Variants in SOCS7 observed in about 807,000 individuals in gnomAD.
The protein encoded by SOCS7 is suppressor of cytokine signaling 7, also known as NAP-4.
Under a neutral mutation model 58.9 loss-of-function variants are expected in SOCS7, and 18 were observed. That is an observed-to-expected ratio of 0.31 (90% CI 0.21 to 0.45). SOCS7 has a LOEUF of 0.45. Ranked by LOEUF, SOCS7 falls within the 20% of genes least tolerant of loss-of-function variation. The pLI is 1.00. For missense variants in SOCS7, 667 were observed against 837.3 expected, an observed-to-expected ratio of 0.80 and a Z score of 2.51; for synonymous variants, 388 against 364.3, an observed-to-expected ratio of 1.06 and a Z score of -0.74.
intron 5 of SOCS7, among the ~76,000 whole-genome samples, chr17:38,367,205 C>G (rs886843871): frequency 1.2e-4 from 18 of 151,998 alleles, no homozygotes; most frequent in Non-Finnish European, 2.2e-4. Flanking sequence ...GCTGGTATTA[C>G]AGGCGCCCAC....
chr17:38,387,795 A>T (rs1468743772), intron 7 of SOCS7, among the ~76,000 whole-genome samples: 1 of 137,370 alleles, frequency 7.3e-6, no homozygotes, highest in African/African-American at 2.9e-5. Flanking sequence ...TTTGAGACAG[A>T]GTCTCACTCT....
chr17:38,364,636 C>G (rs756265608), intron 2 of SOCS7, 116 bp from the exon 3 acceptor site: 1 of 779,936 alleles, frequency 1.3e-6, no homozygotes, highest in Non-Finnish European at 2.2e-6. Flanking sequence ...AGGTTTTGAG[C>G]TTTCTGAGAG....
intron 1 of SOCS7, among the ~76,000 whole-genome samples, chr17:38,361,368 C>T (rs1877247952): frequency 6.6e-6 from 1 of 152,184 alleles, no homozygotes; most frequent in South Asian, 2.1e-4. Flanking sequence ...TTCTTGGCTC[C>T]CAGATGGAAA....
intron 6 of SOCS7, among the ~76,000 whole-genome samples, chr17:38,374,430 C>T (rs960335469): frequency 5.3e-5 from 8 of 151,150 alleles, no homozygotes; most frequent in South Asian, 2.1e-4. Flanking sequence ...CCCAGGTACT[C>T]GGGAGGGTCA....
chr17:38,395,956 A>G lies in SOCS7; in HGVS notation c.1926A>G (p.Glu642=). Residue 642 remains glutamate (E), a synonymous_variant, in exon 9 of 10, where the codon GAA becomes GAG. Coordinates refer to ENST00000612932, the MANE Select transcript of SOCS7 (RefSeq NM_014598.4). ...TTTCCAAACAGAAGCAAGAGGTGGA[A>G]CCCTCCACGTAGCGAGGGGCTCCCT... is the stretch of plus-strand genomic sequence containing the variant. ...QLISKQKQEV[E]PST The G allele has an allele frequency of 2.5e-6, 4 of 1,607,698 alleles. No homozygotes were observed. Among genetic ancestry groups the G allele is most frequent in the Non-Finnish European group, 3.4e-6 (4 of 1,178,524 alleles).
intron 7 of SOCS7, among the ~76,000 whole-genome samples, chr17:38,389,905 A>ATATATATATATATG (rs2038145326): frequency 9.3e-6 from 1 of 107,090 alleles, no homozygotes; most frequent in African/African-American, 3.7e-5. Context: ...ATATACACAT[A>ATATATATATATATG]TAGAGAGAGA....
intron 1 of SOCS7, among the ~76,000 whole-genome samples, chr17:38,356,556 C>T (rs907034534): frequency 2.0e-5 from 3 of 151,728 alleles, no homozygotes; most frequent in East Asian, 2.0e-4. Context: ...GTAGAGACGG[C>T]GTTTCACTGT....
At chr17:38,366,992 CTCT>C (rs1054962868) in intron 5 of SOCS7, among the ~76,000 whole-genome samples, 24 of 152,256 alleles carry the variant, frequency 1.6e-4, no homozygotes, top group African/African-American at 4.6e-4. Flanking sequence ...ACCCAGTTCC[CTCT>C]TCTTTTCTTG....
At chr17:38,370,155 G>A (rs150092981) in intron 6 of SOCS7, among the ~76,000 whole-genome samples, 113 of 151,998 alleles carry the variant, frequency 7.4e-4, no homozygotes, top group Non-Finnish European at 1.2e-3. Flanking sequence ...GCACCACCAC[G>A]CCCAGCTAAT....
intron 7 of SOCS7, among the ~76,000 whole-genome samples, chr17:38,387,119 A>ATG (rs2038082241): frequency 9.4e-6 from 1 of 106,694 alleles, no homozygotes; most frequent in African/African-American, 4.6e-5. Flanking sequence ...ATATATATAT[A>ATG]TATATATATG....
At chr17:38,373,578 G>A (rs2037894620) in intron 6 of SOCS7, among the ~76,000 whole-genome samples, 1 of 152,304 alleles carries the variant, frequency 6.6e-6, no homozygotes, top group South Asian at 2.1e-4. Context: ...TCTTTTGGTT[G>A]TACAGCAAGA....
At chr17:38,389,929 T>TGA (rs1241461204) in intron 7 of SOCS7, among the ~76,000 whole-genome samples, 44 of 23,182 alleles carry the variant, frequency 1.9e-3, no homozygotes, top group African/African-American at 7.3e-3. Context: ...AGAGAGAGAG[T>TGA]GAGAGAGAGA....
intron 9 of SOCS7, among the ~76,000 whole-genome samples, chr17:38,397,231 A>G (rs1446559482): frequency 6.6e-6 from 1 of 152,204 alleles, no homozygotes; most frequent in Admixed American, 6.5e-5. Flanking sequence ...GGGTTTTCCT[A>G]AGGAAGAGAG....
intron 7 of SOCS7, among the ~76,000 whole-genome samples, chr17:38,389,905 A>ATATATGTACATATATATATATG (rs2038145326): frequency 2.8e-5 from 3 of 107,070 alleles, no homozygotes; most frequent in Non-Finnish European, 3.8e-5. Context: ...ATATACACAT[A>ATATATGTACATATATATATATG]TAGAGAGAGA....
intron 6 of SOCS7, 104 bp downstream of exon 6, chr17:38,368,154 G>C: frequency 9.6e-7 from 1 of 1,039,052 alleles, no homozygotes; most frequent in Non-Finnish European, 1.4e-6. Context: ...ACTACAAATA[G>C]GGGAAAAATT....
chr17:38,375,057 G>T (rs1459336518), intron 6 of SOCS7, among the ~76,000 whole-genome samples: 3 of 152,162 alleles, frequency 2.0e-5, no homozygotes, highest in African/African-American at 7.2e-5. Flanking sequence ...AGGAGTTCAA[G>T]ACCAGCCTGG....
rs185932389 is a variant in SOCS7, at chr17:38,386,397, G to A, written c.1681+8555G>A. Among the ~76,000 whole-genome samples the A allele has an allele frequency of 5.2e-3, 778 of 150,920 alleles. 8 individuals are homozygous for A. The highest frequency in any genetic ancestry group is 0.018 in the African/African-American group (748 of 40,868). Reference sequence around the variant, plus strand: ...TAATCGCTTGAGTCTGTGATGTCAAGGCCACAGTGAGCTGTGTTCATGCCA... The same window carrying A: ...TAATCGCTTGAGTCTGTGATGTCAAAGCCACAGTGAGCTGTGTTCATGCCA... On this transcript the variant is annotated intron_variant, in intron 7 of 9. Coordinates refer to ENST00000612932, the MANE Select transcript of SOCS7 (RefSeq NM_014598.4).
chr17:38,358,831 CA>C (rs2038131784), intron 1 of SOCS7, among the ~76,000 whole-genome samples: 1 of 152,160 alleles, frequency 6.6e-6, no homozygotes, highest in African/African-American at 2.4e-5. Flanking sequence ...CACTCTCGAA[CA>C]GCTCTCCCTG....
rs985362276 is a variant in SOCS7, at chr17:38,351,903, G to GCGCCCCC, written c.-141_-135dup. 6.7e-6 allele frequency among the ~76,000 whole-genome samples: 1 copy of GCGCCCCC among 149,342 alleles called. No individual in the cohort carries two copies. Among genetic ancestry groups the GCGCCCCC allele is most frequent in the Non-Finnish European group, 1.5e-5 (1 of 67,162 alleles). On this transcript the variant is annotated 5_prime_UTR_variant, in exon 1 of 10. Transcript: ENST00000612932. ...GGCCTGGGCTCGCGCTGGGCTCCGC[G>GCGCCCCC]CGCCCCCCGCCCCCCTCTATGAGGC...
Sources: gnomAD v4.1 joint callset for allele counts (sites outside exome capture counted in the v4.1 genomes callset) on GRCh38, gnomAD v4.1.1 for gene constraint, MANE v1.5 for transcripts, NCBI Gene and HGNC (gene_info 2026-07-23, HGNC 2026-07-21) for gene names.